PWWP2A: variants seen among roughly 807,000 people sequenced by gnomAD.
PWWP2A encodes the protein PWWP domain containing 2A, also known as PWWP domain-containing protein 2A.
Under a neutral mutation model 48.5 loss-of-function variants are expected in PWWP2A, and 18 were observed. The ratio of observed to expected loss-of-function variants is 0.37; its 90% CI spans 0.26 to 0.55. The LOEUF is 0.55. Ranked by LOEUF, PWWP2A falls within the 20% of genes least tolerant of loss-of-function variation. The pLI is 0.81. For synonymous variants in PWWP2A, 396 were observed against 387.7 expected (o/e 1.02, Z -0.25); for missense variants, 867 against 976.4 (o/e 0.89, Z 1.49).
At position 160,078,369 on chromosome 5, in the gene PWWP2A, T is replaced by C. The variant is rs569343156; in HGVS notation, c.1670-201A>G. On this transcript the variant is annotated intron_variant, in intron 3 of 3. Transcript: ENST00000456329. This position sits in a 1 kb window ranked among gnomAD's most constrained non-coding sequence, Gnocchi z 4.2. ...TAAACCAGCAGAAATATTCATGTTATTTCTGAAGTATTATCAGGCCAGTTT... is the reference window on the plus strand; with the variant it reads ...TAAACCAGCAGAAATATTCATGTTACTTCTGAAGTATTATCAGGCCAGTTT... Among the ~76,000 whole-genome samples, 2 of 152,356 alleles carry C rather than the reference T, an allele frequency of 1.3e-5. No homozygotes were observed. Among genetic ancestry groups the C allele is most frequent in the East Asian group, 3.9e-4 (2 of 5,192 alleles).
intron 1 of PWWP2A, 37 bp from the exon 2 acceptor site, chr5:160,094,102 G>T: frequency 1.3e-6 from 2 of 1,523,486 alleles, no homozygotes; most frequent in African/African-American, 1.4e-5. Flanking sequence ...AAGACATTAA[G>T]TTAACATCTA....
chr5:160,109,774 A>AT (rs1284977515), intron 1 of PWWP2A, among the ~76,000 whole-genome samples: 54 of 25,208 alleles, frequency 2.1e-3, no homozygotes, highest in African/African-American at 2.3e-3. Context: ...AAAAAAAAAA[A>AT]ATATATATAT....
At chr5:160,074,754 C>A (rs1198660884), downstream of PWWP2A, among the ~76,000 whole-genome samples, 135 of 136,562 alleles carry the variant, frequency 9.9e-4, no homozygotes, top group African/African-American at 3.2e-3. Context: ...CTCAAAAAAA[C>A]AAAAAAAAAA....
the PWWP2A span, among the ~76,000 whole-genome samples, chr5:160,050,319 T>C: frequency 6.6e-6 from 1 of 151,898 alleles, no homozygotes; most frequent in East Asian, 2.0e-4. Flanking sequence ...TGGTGGCACA[T>C]GCCTGTAATC....
intron 1 of PWWP2A, chr5:160,108,618 T>G: frequency 1.6e-6 from 2 of 1,278,142 alleles, no homozygotes; most frequent in Non-Finnish European, 2.0e-6. Flanking sequence ...ATGGTCTCTG[T>G]AAAGAAAAGA....
the PWWP2A span, among the ~76,000 whole-genome samples, chr5:160,045,401 A>G: frequency 6.6e-6 from 1 of 151,222 alleles, no homozygotes; most frequent in Admixed American, 6.6e-5. Context: ...GGCAAATTAC[A>G]TTTATATCAA....
chr5:160,115,069 C>T (rs540258840), intron 1 of PWWP2A, among the ~76,000 whole-genome samples: 21 of 136,428 alleles, frequency 1.5e-4, no homozygotes, highest in African/African-American at 5.0e-4. Flanking sequence ...CCCGGTGGGG[C>T]GCAGAGGATG....
chr5:160,113,911 C>A (rs1581280258), intron 1 of PWWP2A, among the ~76,000 whole-genome samples: 1 of 152,074 alleles, frequency 6.6e-6, no homozygotes, highest in Non-Finnish European at 1.5e-5. Context: ...ATGGGATCAA[C>A]CTACATCTGA....
At chr5:160,071,455 G>A (rs1753737244), downstream of PWWP2A, among the ~76,000 whole-genome samples, 1 of 152,144 alleles carries the variant, frequency 6.6e-6, no homozygotes, top group Admixed American at 6.5e-5. Flanking sequence ...GAACTAAGCA[G>A]GCCTGCAAAT....
intron 2 of PWWP2A, among the ~76,000 whole-genome samples, chr5:160,084,448 A>G (rs1044822637): frequency 6.6e-6 from 1 of 152,092 alleles, no homozygotes; most frequent in Non-Finnish European, 1.5e-5. Context: ...TTGTGTTTTG[A>G]GACAGGGTCT....
chr5:160,104,618 C>G (rs1160348616), intron 1 of PWWP2A, among the ~76,000 whole-genome samples: 1 of 152,002 alleles, frequency 6.6e-6, no homozygotes, highest in African/African-American at 2.4e-5. Context: ...GCCTGGCCAA[C>G]ATGGCAAAAC....
rs1426500592 is a variant in PWWP2A, at chr5:160,092,254, A to G, written c.*128T>C. 4.2e-6 allele frequency: 6 copies of G among 1,421,908 alleles called. No individual in the cohort carries two copies. The African/African-American group carries it at 7.2e-5, about 17-fold the overall frequency. 88.1% of individuals were successfully genotyped at this position (1,421,908 alleles called of 1,614,324 possible). On this transcript the variant is annotated 3_prime_UTR_variant, in exon 2 of 2. Coordinates refer to ENST00000307063, the MANE Select transcript of PWWP2A (RefSeq NM_001130864.2). ...TAAAAATGGCTATAAGGTAAGTATT[A>G]AAAAGCCAGCCAACTGAGTGCAACT...
At chr5:160,111,109 T>C (rs967733675) in intron 1 of PWWP2A, among the ~76,000 whole-genome samples, 1 of 151,986 alleles carries the variant, frequency 6.6e-6, no homozygotes, top group Non-Finnish European at 1.5e-5. Flanking sequence ...TACTAGTCAC[T>C]TGAGGCCAGG....
At chr5:160,094,358 T>C (rs1230154346) in intron 1 of PWWP2A, among the ~76,000 whole-genome samples, 2 of 152,218 alleles carry the variant, frequency 1.3e-5, no homozygotes, top group African/African-American at 2.4e-5. Flanking sequence ...TTTTCTCAGA[T>C]AGCTTTATGT....
chr5:160,093,122 A>G lies in PWWP2A; in HGVS notation c.1528T>C (p.Cys510Arg). 6.2e-7 allele frequency: 1 copy of G among 1,613,902 alleles called. No individual in the cohort carries two copies. The highest frequency in any genetic ancestry group is 8.5e-7 in the Non-Finnish European group (1 of 1,179,864). Residue 510 changes from cysteine to arginine, a missense_variant, in exon 2 of 2, where the codon TGC (cysteine) becomes CGC (arginine). Cys to Arg is a radical substitution (Grantham distance 180, BLOSUM62 -3). This residue lies in a region of PWWP2A where 382 missense variants were observed against 407.2 expected (regional missense o/e 0.94). Transcript: ENST00000307063. This position sits in a 1 kb window ranked among gnomAD's most constrained non-coding sequence, Gnocchi z 5.8. The part of the protein sequence containing the change: ...GKMAPKPQSR[C>R]TSTRSAGEAP... Reference sequence around the variant, plus strand: ...TCACCTGCTGAGCGGGTAGAGGTGCAGCGAGACTGGGGCTTGGGTGCCATC... The same window carrying G: ...TCACCTGCTGAGCGGGTAGAGGTGCGGCGAGACTGGGGCTTGGGTGCCATC...
chr5:160,048,988 T>A, the PWWP2A span, among the ~76,000 whole-genome samples: 8 of 152,240 alleles, frequency 5.3e-5, 1 homozygote, highest in South Asian at 1.7e-3. Flanking sequence ...CACTGCGCAC[T>A]TGAACTCTGT....
chr5:160,102,740 C>T (rs938335668), intron 1 of PWWP2A, among the ~76,000 whole-genome samples: 1 of 152,130 alleles, frequency 6.6e-6, no homozygotes, highest in African/African-American at 2.4e-5. Context: ...GGGCACATGG[C>T]TATCATGGGC....
intron 4 of PWWP2A, chr5:160,065,403 C>T (rs912169663): frequency 4.1e-6 from 2 of 483,130 alleles, no homozygotes; most frequent in Non-Finnish European, 8.2e-6. Context: ...CTGAACCAAA[C>T]AAACCTGTTG....
chr5:160,096,393 T>C (rs1157227527), intron 1 of PWWP2A, among the ~76,000 whole-genome samples: 2 of 152,216 alleles, frequency 1.3e-5, no homozygotes, highest in Non-Finnish European at 2.9e-5. Context: ...CATTTAACCC[T>C]TTCTTACACA....
Sources: allele counts gnomAD v4.1 joint callset (sites outside exome capture counted in the v4.1 genomes callset), GRCh38; gene constraint gnomAD v4.1.1; regional missense constraint gnomAD v4.1.1; non-coding constraint Gnocchi (gnomAD v3.1); transcripts MANE v1.5; gene names NCBI Gene and HGNC (gene_info 2026-07-23, HGNC 2026-07-21).